Variants in SGCZ observed in about 807,000 individuals in gnomAD.
SGCZ encodes zeta-sarcoglycan.
A neutral mutation model predicts 41.3 loss-of-function variants in SGCZ; 40 were observed. The ratio of observed to expected loss-of-function variants is 0.97; its 90% confidence interval spans 0.75 to 1.26. The LOEUF is 1.26. Ranked by LOEUF, SGCZ falls within the 50% of genes most tolerant of loss-of-function variation. The pLI, the probability that SGCZ is intolerant of heterozygous loss-of-function variation, is 0.00. For synonymous variants in SGCZ, 206 were observed against 137.5 expected (o/e 1.50, Z -3.49); for missense variants, 552 against 369.8 (o/e 1.49, Z -4.04).
intron 1 of SGCZ, among the ~76,000 whole-genome samples, chr8:15,008,193 G>A (rs1802676523): frequency 6.6e-6 from 1 of 151,958 alleles, no homozygotes; most frequent in Non-Finnish European, 1.5e-5. Context: ...CATTCCTGGA[G>A]GCATGTCCTC....
intron 1 of SGCZ, among the ~76,000 whole-genome samples, chr8:14,946,598 G>A (rs1800455602): frequency 6.6e-6 from 1 of 151,888 alleles, no homozygotes; most frequent in South Asian, 2.1e-4. Flanking sequence ...ATACACAGCC[G>A]GTGTTCACTA....
chr8:15,165,516 CT>C (rs1799640517), intron 1 of SGCZ, among the ~76,000 whole-genome samples: 1 of 152,134 alleles, frequency 6.6e-6, no homozygotes, highest in Non-Finnish European at 1.5e-5. Flanking sequence ...TTGATATGGC[CT>C]GGGGACATAT....
intron 1 of SGCZ, among the ~76,000 whole-genome samples, chr8:14,964,683 A>T (rs981991833): frequency 1.3e-5 from 2 of 152,132 alleles, no homozygotes; most frequent in Non-Finnish European, 2.9e-5. Flanking sequence ...ATAATTCTGC[A>T]TTGAGTAGTT....
At chr8:14,970,012 C>T (rs993939138) in intron 1 of SGCZ, among the ~76,000 whole-genome samples, 11 of 152,148 alleles carry the variant, frequency 7.2e-5, no homozygotes, top group Non-Finnish European at 1.5e-4. Flanking sequence ...TACCCTCCAA[C>T]ACTTAGTAAT....
At chr8:14,460,074 C>T (rs1800858954) in intron 2 of SGCZ, among the ~76,000 whole-genome samples, 1 of 152,038 alleles carries the variant, frequency 6.6e-6, no homozygotes, top group African/African-American at 2.4e-5. Flanking sequence ...CAGCATAGTA[C>T]CTATTTAATT....
chr8:14,289,528 C>T (rs9643918), intron 3 of SGCZ, among the ~76,000 whole-genome samples: 149,143 of 152,214 alleles, frequency 0.98, 73,147 homozygotes, highest in East Asian at 1. Context: ...GAGACTATGA[C>T]TTTCCCATCA....
intron 1 of SGCZ, among the ~76,000 whole-genome samples, chr8:14,669,408 A>T (rs10104062): frequency 0.53 from 75,905 of 143,576 alleles, 21,496 homozygotes; most frequent in East Asian, 0.73. Context: ...TAAATAAATA[A>T]ATAGGGTTCC....
intron 3 of SGCZ, among the ~76,000 whole-genome samples, chr8:14,302,615 C>A (rs1322965259): frequency 2.0e-5 from 3 of 152,080 alleles, no homozygotes; most frequent in African/African-American, 7.2e-5. Flanking sequence ...GCTCCTTCAT[C>A]TGCCCCTCTA....
At chr8:14,957,925 A>G (rs991419911) in intron 1 of SGCZ, among the ~76,000 whole-genome samples, 1 of 152,072 alleles carries the variant, frequency 6.6e-6, no homozygotes, top group Non-Finnish European at 1.5e-5. Flanking sequence ...ACAGAAAAAT[A>G]CTTCTTATGT....
chr8:14,267,283 G>A (rs1300240390), intron 3 of SGCZ, among the ~76,000 whole-genome samples: 1 of 151,952 alleles, frequency 6.6e-6, no homozygotes, highest in African/African-American at 2.4e-5. Context: ...GATGATAAAA[G>A]AGCTCAAAAT....
intron 1 of SGCZ, among the ~76,000 whole-genome samples, chr8:14,834,924 A>C (rs1424522746): frequency 6.6e-6 from 1 of 152,200 alleles, no homozygotes; most frequent in African/African-American, 2.4e-5. Flanking sequence ...CTTTTTAGCA[A>C]CATCTTCAGA....
chr8:15,191,686 T>C (rs1800545541), intron 1 of SGCZ, among the ~76,000 whole-genome samples: 1 of 152,058 alleles, frequency 6.6e-6, no homozygotes, highest in Admixed American at 6.6e-5. Context: ...AAATTCCTCA[T>C]ACGAGCTTCA....
chr8:15,085,026 T>G (rs1250560181), intron 1 of SGCZ, among the ~76,000 whole-genome samples: 4 of 152,196 alleles, frequency 2.6e-5, no homozygotes, highest in Non-Finnish European at 5.9e-5. Flanking sequence ...CCATGTAATT[T>G]GATAGATACA....
At chr8:14,722,934 G>A (rs142789962) in intron 1 of SGCZ, among the ~76,000 whole-genome samples, 3 of 152,010 alleles carry the variant, frequency 2.0e-5, no homozygotes, top group African/African-American at 2.4e-5. Context: ...TTTAATCTCC[G>A]AAAAAATCTA....
At chr8:15,085,123 G>C (rs1336815695) in intron 1 of SGCZ, among the ~76,000 whole-genome samples, 1 of 152,132 alleles carries the variant, frequency 6.6e-6, no homozygotes, top group Non-Finnish European at 1.5e-5. Flanking sequence ...AGGCCTCAGA[G>C]AGTTAAATAA....
intron 2 of SGCZ, among the ~76,000 whole-genome samples, chr8:14,530,532 A>C (rs1803094485): frequency 6.6e-6 from 1 of 152,112 alleles, no homozygotes; most frequent in Admixed American, 6.6e-5. Flanking sequence ...AATGTATCAC[A>C]TACAGGAGTG....
chr8:14,190,651 GGAGTGCAGT>G (rs1339723776), intron 4 of SGCZ, among the ~76,000 whole-genome samples: 1 of 151,960 alleles, frequency 6.6e-6, no homozygotes, highest in African/African-American at 2.4e-5. Flanking sequence ...CGCCCAGGCT[GGAGTGCAGT>G]GACGCGATCT....
intron 5 of SGCZ, among the ~76,000 whole-genome samples, chr8:14,131,330 A>T (rs142060584): frequency 6.6e-6 from 1 of 152,162 alleles, no homozygotes; most frequent in African/African-American, 2.4e-5. Flanking sequence ...CTTCTTGTAG[A>T]CAGGTAAGCA....
chr8:14,850,452 A>G (rs1034220699), intron 1 of SGCZ, among the ~76,000 whole-genome samples: 1 of 152,166 alleles, frequency 6.6e-6, no homozygotes, highest in Non-Finnish European at 1.5e-5. Context: ...GATTGGCGAG[A>G]TGGTGGAGCA....
Sources: allele counts gnomAD v4.1 joint callset (sites outside exome capture counted in the v4.1 genomes callset), GRCh38; gene constraint gnomAD v4.1.1; transcripts MANE v1.5; gene names NCBI Gene and HGNC (gene_info 2026-07-23, HGNC 2026-07-21).